Variants in SNTG1 observed in about 807,000 individuals in gnomAD.
The protein encoded by SNTG1 is syntrophin gamma 1.
SNTG1 carries 39 observed loss-of-function variants against 74.7 expected under a neutral mutation model. The ratio of observed to expected loss-of-function variants is 0.52; its 90% CI spans 0.40 to 0.68. The LOEUF (loss-of-function observed/expected upper bound fraction) is 0.68, where lower values mean the gene tolerates loss of function less well. Ranked by LOEUF, SNTG1 falls within the 30% of genes least tolerant of loss-of-function variation. The probability of loss-of-function intolerance (pLI) is 0.00; values close to 1 mark genes in which losing one functional copy is unlikely to be tolerated. For synonymous variants in SNTG1, 254 were observed against 217.1 expected (o/e 1.17, Z -1.49); for missense variants, 685 against 609.5 (o/e 1.12, Z -1.30).
chr8:50,166,975 A>G (rs2082636381), intron 1 of SNTG1, among the ~76,000 whole-genome samples: 1 of 146,354 alleles, frequency 6.8e-6, no homozygotes, highest in African/African-American at 2.7e-5. Context: ...CTTTGTAGGG[A>G]CATGGATAAA....
intron 18 of SNTG1, among the ~76,000 whole-genome samples, chr8:50,782,904 T>C (rs1023246328): frequency 1.3e-5 from 2 of 152,174 alleles, no homozygotes; most frequent in Non-Finnish European, 2.9e-5. Context: ...TTTCTGTTTG[T>C]TAGTTTTCCT....
At chr8:50,526,457 T>A (rs537243969) in intron 9 of SNTG1, among the ~76,000 whole-genome samples, 44 of 152,206 alleles carry the variant, frequency 2.9e-4, no homozygotes, top group African/African-American at 1.1e-3. Flanking sequence ...CTTACCTGGG[T>A]TACTGTGACT....
intron 1 of SNTG1, among the ~76,000 whole-genome samples, chr8:49,912,920 G>A (rs1424068461): frequency 6.6e-6 from 1 of 152,156 alleles, no homozygotes; most frequent in African/African-American, 2.4e-5. Flanking sequence ...TATTAGTTCT[G>A]CAAAATACAT....
intron 1 of SNTG1, among the ~76,000 whole-genome samples, chr8:50,152,937 T>C (rs534340590): frequency 1.3e-5 from 2 of 152,166 alleles, no homozygotes; most frequent in Admixed American, 6.5e-5. Context: ...ATTTCCTGAA[T>C]TTGAATGTTG....
intron 1 of SNTG1, among the ~76,000 whole-genome samples, chr8:50,065,133 T>A (rs963163356): frequency 1.4e-4 from 22 of 152,332 alleles, no homozygotes; most frequent in African/African-American, 5.3e-4. Context: ...AAAATAGTTA[T>A]TCAAATATCA....
intron 1 of SNTG1, among the ~76,000 whole-genome samples, chr8:49,923,764 A>G (rs1228512858): frequency 6.6e-6 from 1 of 152,206 alleles, no homozygotes; most frequent in African/African-American, 2.4e-5. Context: ...AAAGAATAAA[A>G]GCTCTCTGGC....
chr8:50,127,486 C>T (rs1479329043), intron 1 of SNTG1, among the ~76,000 whole-genome samples: 1 of 152,080 alleles, frequency 6.6e-6, no homozygotes, highest in Non-Finnish European at 1.5e-5. Context: ...GCCCACCGCC[C>T]AGTGGGTAGA....
chr8:49,918,361 CT>C (rs895402931), intron 1 of SNTG1, among the ~76,000 whole-genome samples: 30 of 152,062 alleles, frequency 2.0e-4, no homozygotes, highest in African/African-American at 6.5e-4. Context: ...GTTTTTGCCC[CT>C]CATACACATG....
intron 1 of SNTG1, among the ~76,000 whole-genome samples, chr8:50,113,525 G>A (rs1222654957): frequency 6.6e-6 from 1 of 152,158 alleles, no homozygotes; most frequent in Non-Finnish European, 1.5e-5. Flanking sequence ...CATGTCATCT[G>A]CAAACAGGGA....
chr8:50,259,515 AG>A (rs1563810299), intron 2 of SNTG1, among the ~76,000 whole-genome samples: 2,974 of 34,118 alleles, frequency 0.087, 444 homozygotes, highest in South Asian at 0.13. Context: ...AAAAAAAGAA[AG>A]AAAGAAAGAA....
intron 8 of SNTG1, among the ~76,000 whole-genome samples, chr8:50,458,333 T>G (rs549262553): frequency 6.6e-6 from 1 of 152,232 alleles, no homozygotes; most frequent in South Asian, 2.1e-4. Context: ...AAAAGGAACA[T>G]GCAGAAAAAG....
chr8:49,966,761 T>C (rs554589656), intron 1 of SNTG1, among the ~76,000 whole-genome samples: 4 of 152,358 alleles, frequency 2.6e-5, no homozygotes, highest in Admixed American at 1.3e-4. Context: ...ATTTTACTTT[T>C]ATTCCATTGG....
At chr8:50,770,653 C>G (rs2095624715) in intron 18 of SNTG1, among the ~76,000 whole-genome samples, 1 of 152,002 alleles carries the variant, frequency 6.6e-6, no homozygotes, top group African/African-American at 2.4e-5. Context: ...CTCTGAAACT[C>G]ATGTTAAAAT....
intron 2 of SNTG1, among the ~76,000 whole-genome samples, chr8:50,224,604 A>T (rs968568939): frequency 2.6e-5 from 4 of 152,114 alleles, no homozygotes; most frequent in Admixed American, 2.6e-4. Flanking sequence ...AGCACCCCCC[A>T]ACCAACTGAC....
At chr8:50,411,260 A>G (rs1228630120) in intron 4 of SNTG1, among the ~76,000 whole-genome samples, 1 of 152,026 alleles carries the variant, frequency 6.6e-6, no homozygotes, top group African/African-American at 2.4e-5. Context: ...TATCCTGGCT[A>G]ACACGGTGAA....
intron 4 of SNTG1, among the ~76,000 whole-genome samples, chr8:50,421,288 C>T (rs1329919894): frequency 6.6e-6 from 1 of 152,216 alleles, no homozygotes; most frequent in South Asian, 2.1e-4. Context: ...GAGAAGCGTT[C>T]GGGGCTGCTA....
chr8:50,729,188 G>A (rs1025085627), intron 17 of SNTG1, among the ~76,000 whole-genome samples: 4 of 152,186 alleles, frequency 2.6e-5, no homozygotes, highest in African/African-American at 4.8e-5. Context: ...CTGGTGCCCT[G>A]TGGCTTGGCT....
At chr8:50,137,595 C>G (rs2081515595) in intron 1 of SNTG1, among the ~76,000 whole-genome samples, 1 of 152,142 alleles carries the variant, frequency 6.6e-6, no homozygotes, top group Admixed American at 6.6e-5. Context: ...ATAAGCAAAG[C>G]AGCAAGAAGG....
At chr8:50,079,386 G>A (rs1822189067) in intron 1 of SNTG1, among the ~76,000 whole-genome samples, 1 of 150,272 alleles carries the variant, frequency 6.7e-6, no homozygotes, top group Non-Finnish European at 1.5e-5. Flanking sequence ...CATATCCTTT[G>A]CCCACTTTTT....
Sources: gnomAD v4.1 joint callset for allele counts (sites outside exome capture counted in the v4.1 genomes callset) on GRCh38, gnomAD v4.1.1 for gene constraint, MANE v1.5 for transcripts, NCBI Gene and HGNC (gene_info 2026-07-23, HGNC 2026-07-21) for gene names.